The following RASAL2 variants were observed in gnomAD, a reference collection of about 807,000 sequenced individuals.
RASAL2 encodes ras GTPase-activating protein nGAP.
RASAL2 carries 58 observed loss-of-function variants against 128.9 expected under a neutral mutation model. The observed-to-expected ratio is 0.45, with a 90% CI of 0.36 to 0.56. The LOEUF (loss-of-function observed/expected upper bound fraction) is 0.56. Ranked by LOEUF, RASAL2 falls within the 20% of genes least tolerant of loss-of-function variation. The pLI is 0.00. For synonymous variants in RASAL2, 561 were observed against 580.8 expected, an observed-to-expected ratio of 0.97 and a Z score of 0.49; for missense variants, 1,360 against 1,601.6, an observed-to-expected ratio of 0.85 and a Z score of 2.57.
At chr1:178,320,383 TC>T in intron 3 of RASAL2, among the ~76,000 whole-genome samples, 1 of 152,274 alleles carries the variant, frequency 6.6e-6, no homozygotes, top group South Asian at 2.1e-4. Context: ...GTGGGCACCC[TC>T]CCCCAGCCTC....
At chr1:178,250,065 C>T (rs1664969461) in intron 1 of RASAL2, among the ~76,000 whole-genome samples, 1 of 152,276 alleles carries the variant, frequency 6.6e-6, no homozygotes, top group African/African-American at 2.4e-5. Context: ...GGCAGTCTGT[C>T]CCTTAGCAGA....
At chr1:178,399,574 C>T (rs950797627) in intron 4 of RASAL2, among the ~76,000 whole-genome samples, 8 of 152,230 alleles carry the variant, frequency 5.3e-5, no homozygotes, top group Non-Finnish European at 8.8e-5. Flanking sequence ...GGGCCCCTGG[C>T]ACCTCTGAAG....
chr1:178,340,296 T>C (rs1227821932), intron 3 of RASAL2, among the ~76,000 whole-genome samples: 1 of 152,206 alleles, frequency 6.6e-6, no homozygotes, highest in Non-Finnish European at 1.5e-5. Flanking sequence ...ACTGCTTTAA[T>C]GTGGCAGGTG....
At chr1:178,399,238 G>A (rs956764881) in intron 4 of RASAL2, among the ~76,000 whole-genome samples, 2 of 152,190 alleles carry the variant, frequency 1.3e-5, no homozygotes, top group African/African-American at 4.8e-5. Flanking sequence ...TTGCACAAGT[G>A]TGAGAAAGAT....
intron 5 of RASAL2, 119 bp downstream of exon 5, chr1:178,420,739 CTTTTATGTCGTGTTCA>C: frequency 2.7e-6 from 2 of 737,466 alleles, no homozygotes; most frequent in Non-Finnish European, 4.2e-6. Flanking sequence ...AAAAAATTGA[CTTTTATGTCGTGTTCA>C]TATTAAGGCA....
At chr1:178,138,019 C>T (rs1229432197) in intron 1 of RASAL2, among the ~76,000 whole-genome samples, 1 of 152,204 alleles carries the variant, frequency 6.6e-6, no homozygotes, top group African/African-American at 2.4e-5. Context: ...GCTCTCACTT[C>T]TTTCCTGCTC....
chr1:178,321,139 A>C (rs768514117), intron 3 of RASAL2, among the ~76,000 whole-genome samples: 4 of 152,154 alleles, frequency 2.6e-5, no homozygotes, highest in Non-Finnish European at 5.9e-5. Context: ...GCTGGAGTGC[A>C]GTGGCTTGAT....
At chr1:178,338,001 G>A (rs1669681114) in intron 3 of RASAL2, among the ~76,000 whole-genome samples, 1 of 151,990 alleles carries the variant, frequency 6.6e-6, no homozygotes, top group Non-Finnish European at 1.5e-5. Flanking sequence ...CAAAGTACTG[G>A]GATTACAGGC....
intron 2 of RASAL2, among the ~76,000 whole-genome samples, chr1:178,292,924 T>TA (rs893798395): frequency 2.6e-5 from 4 of 152,196 alleles, no homozygotes; most frequent in African/African-American, 9.6e-5. Context: ...GCAAGGCATT[T>TA]AAAATGACAC....
chr1:178,166,962 C>T (rs140496765), intron 1 of RASAL2, among the ~76,000 whole-genome samples: 403 of 152,170 alleles, frequency 2.6e-3, no homozygotes, highest in Middle Eastern at 0.014. Flanking sequence ...TTTAAGTTAA[C>T]TTTCAGTCAT....
chr1:178,247,244 A>G (rs1381950296), intron 1 of RASAL2, among the ~76,000 whole-genome samples: 1 of 152,082 alleles, frequency 6.6e-6, no homozygotes, highest in Non-Finnish European at 1.5e-5. Context: ...CAGTTTCAGA[A>G]CTTGTTATTG....
At chr1:178,114,045 C>T (rs897554651) in intron 1 of RASAL2, among the ~76,000 whole-genome samples, 3 of 151,820 alleles carry the variant, frequency 2.0e-5, no homozygotes, top group African/African-American at 7.2e-5. Flanking sequence ...TTGCTAAACT[C>T]ATTTATTATT....
In RASAL2 at chr1:178,094,552, C is replaced by G. The variant is rs1457505315; in HGVS notation, c.60C>G (p.Phe20Leu). 1.3e-6 allele frequency: 2 copies of G among 1,591,224 alleles called. No individual in the cohort carries two copies. The highest frequency in any genetic ancestry group is 1.3e-5 in the African/African-American group (1 of 74,330). The change falls in exon 1 of 18, where the codon TTC (phenylalanine) becomes TTG (leucine). Residue 20 changes from phenylalanine to leucine, a missense_variant. Physicochemically the swap from Phe to Leu is conservative, Grantham distance 22. Transcript: ENST00000367649. ...AAEALSWPEM[F>L]PALESDSPLP... ...AGGCGCTGTCCTGGCCGGAGATGTTCCCGGCGCTGGAGTCCGACTCGCCGC... is the reference window on the plus strand; with the variant it reads ...AGGCGCTGTCCTGGCCGGAGATGTTGCCGGCGCTGGAGTCCGACTCGCCGC...
At chr1:178,372,426 A>ATACAATTTT in intron 3 of RASAL2, 1 of 875,290 alleles carries the variant, frequency 1.1e-6, no homozygotes, top group Non-Finnish European at 1.4e-6. Context: ...GTATTTTTAA[A>ATACAATTTT]AGGAGAAGAG....
At chr1:178,150,156 GATTAA>G (rs1034776701) in intron 1 of RASAL2, among the ~76,000 whole-genome samples, 12 of 152,120 alleles carry the variant, frequency 7.9e-5, no homozygotes, top group African/African-American at 2.7e-4. Context: ...ATTATTGACT[GATTAA>G]ATTAAGAAAT....
At chr1:178,359,467 T>G (rs886872153) in intron 3 of RASAL2, among the ~76,000 whole-genome samples, 23 of 152,214 alleles carry the variant, frequency 1.5e-4, no homozygotes, top group African/African-American at 5.5e-4. Flanking sequence ...TCTTAAAGCC[T>G]TAGAATTTTT....
At chr1:178,409,953 A>G (rs1462061031) in intron 4 of RASAL2, among the ~76,000 whole-genome samples, 2 of 152,226 alleles carry the variant, frequency 1.3e-5, no homozygotes, top group African/African-American at 4.8e-5. Context: ...TGGTCTTCCT[A>G]AAGAGCTTCG....
chr1:178,363,325 T>G (rs1671226681), intron 3 of RASAL2, among the ~76,000 whole-genome samples: 1 of 152,076 alleles, frequency 6.6e-6, no homozygotes, highest in Non-Finnish European at 1.5e-5. Flanking sequence ...AAATGTTTAT[T>G]CAGGTTCTTT....
At chr1:178,448,337 C>T (rs1677153619) in intron 9 of RASAL2, among the ~76,000 whole-genome samples, 1 of 152,136 alleles carries the variant, frequency 6.6e-6, no homozygotes, top group Admixed American at 6.5e-5. Flanking sequence ...CTAGTGATGG[C>T]TCACACTGGT....
Sources: gnomAD v4.1 joint callset for allele counts (sites outside exome capture counted in the v4.1 genomes callset) on GRCh38, gnomAD v4.1.1 for gene constraint, MANE v1.5 for transcripts, NCBI Gene and HGNC (gene_info 2026-07-23, HGNC 2026-07-21) for gene names.